CFAP299: variants seen among roughly 807,000 people sequenced by gnomAD.
CFAP299 encodes cilia- and flagella-associated protein 299.
A neutral mutation model predicts 27.0 loss-of-function variants in CFAP299; 21 were observed. The observed-to-expected ratio is 0.78, with a 90% confidence interval of 0.55 to 1.12. The LOEUF is 1.12. CFAP299 is among the 50% of genes most tolerant of loss of function. The probability of loss-of-function intolerance (pLI) is 0.00; values close to 1 mark genes in which losing one functional copy is unlikely to be tolerated. For missense variants in CFAP299, 310 were observed against 276.6 expected (o/e 1.12, Z -0.86); for synonymous variants, 104 against 98.1 (o/e 1.06, Z -0.36).
At chr4:80,924,538 G>GTGTGTGTGTGTA (rs5859742) in intron 4 of CFAP299, among the ~76,000 whole-genome samples, 1 of 131,670 alleles carries the variant, frequency 7.6e-6, no homozygotes, top group African/African-American at 3.1e-5. Context: ...GTGTGTGTGT[G>GTGTGTGTGTGTA]TATATATATA....
intron 3 of CFAP299, among the ~76,000 whole-genome samples, chr4:80,625,158 T>C (rs1738818276): frequency 6.6e-6 from 1 of 152,114 alleles, no homozygotes; most frequent in Non-Finnish European, 1.5e-5. Flanking sequence ...AAGACAAAAC[T>C]ATTAAAAATA....
In CFAP299 at chr4:80,824,684, A is replaced by T. The variant is rs11939761; in HGVS notation, c.334-45309A>T. ...TGTGTAGAATCAGAAAAGATGTGAGAGGACCTTAAGTTTACATGTCAGGCA... is the reference window on the plus strand; with the variant it reads ...TGTGTAGAATCAGAAAAGATGTGAGTGGACCTTAAGTTTACATGTCAGGCA... On this transcript the variant is annotated intron_variant, in intron 3 of 5. Coordinates refer to ENST00000358105, the MANE Select transcript of CFAP299 (RefSeq NM_152770.3). 6.0e-3 allele frequency among the ~76,000 whole-genome samples: 916 copies of T among 152,272 alleles called. 8 individuals are homozygous for T. The highest frequency in any genetic ancestry group is 0.021 in the African/African-American group (854 of 41,562).
intron 2 of CFAP299, among the ~76,000 whole-genome samples, chr4:80,489,273 G>A (rs1455075245): frequency 6.6e-6 from 1 of 152,102 alleles, no homozygotes; most frequent in Non-Finnish European, 1.5e-5. Flanking sequence ...TGAATTGGGA[G>A]CTGCCATTGA....
At chr4:80,341,915 T>C (rs1187646854) in intron 1 of CFAP299, among the ~76,000 whole-genome samples, 1 of 152,156 alleles carries the variant, frequency 6.6e-6, no homozygotes, top group Admixed American at 6.5e-5. Flanking sequence ...GAAAAGAAGC[T>C]AGAATCATGA....
intron 3 of CFAP299, among the ~76,000 whole-genome samples, chr4:80,607,077 A>G (rs1421761024): frequency 6.6e-6 from 1 of 152,212 alleles, no homozygotes. Flanking sequence ...GGTTCCTTAC[A>G]TGAGTGAAAG....
In CFAP299 at chr4:80,944,752, T is replaced by C. The variant is rs1215541304; in HGVS notation, c.477-58T>C. 14 of 1,308,094 alleles carry C rather than the reference T, an allele frequency of 1.1e-5. No individual in the cohort carries two copies. In the East Asian group the frequency reaches 2.7e-4, roughly 26 times the overall value. 81.0% of individuals were successfully genotyped at this position (1,308,094 alleles called of 1,614,324 possible). ...ACTTCCCCAAATAGTTCTTAAACTA[T>C]ATTTGTCAATTTAATGCATTATACA... On this transcript the variant is annotated intron_variant, in intron 4 of 5. Coordinates refer to ENST00000358105, the MANE Select transcript of CFAP299 (RefSeq NM_152770.3).
At chr4:80,366,139 C>T (rs1286926848) in intron 2 of CFAP299, among the ~76,000 whole-genome samples, 2 of 152,218 alleles carry the variant, frequency 1.3e-5, no homozygotes, top group African/African-American at 2.4e-5. Flanking sequence ...CCAAATATGT[C>T]CTGTGCCTAT....
chr4:80,861,228 A>G (rs1275797831), intron 3 of CFAP299, among the ~76,000 whole-genome samples: 1 of 152,122 alleles, frequency 6.6e-6, no homozygotes, highest in East Asian at 1.9e-4. Context: ...TGCAGGATAT[A>G]ATCTCCTGGT....
At chr4:80,513,770 TC>T (rs1186703359) in intron 2 of CFAP299, among the ~76,000 whole-genome samples, 2 of 152,094 alleles carry the variant, frequency 1.3e-5, no homozygotes, top group Non-Finnish European at 2.9e-5. Context: ...TTTCCAATCA[TC>T]CCAACTACCT....
chr4:80,684,989 T>C (rs994967236), intron 3 of CFAP299, among the ~76,000 whole-genome samples: 6 of 152,168 alleles, frequency 3.9e-5, no homozygotes, highest in African/African-American at 1.4e-4. Flanking sequence ...GGTACAATAA[T>C]GTATGTATTA....
chr4:80,556,636 G>A (rs1233998832), intron 2 of CFAP299, among the ~76,000 whole-genome samples: 1 of 151,932 alleles, frequency 6.6e-6, no homozygotes, highest in Non-Finnish European at 1.5e-5. Context: ...TATCCAAAAA[G>A]TTTAGTTTGA....
intron 2 of CFAP299, among the ~76,000 whole-genome samples, chr4:80,504,505 A>ATATATATTTTTT (rs1483255216): frequency 5.4e-5 from 6 of 110,184 alleles, no homozygotes; most frequent in Non-Finnish European, 1.1e-4. Flanking sequence ...ATATATATAT[A>ATATATATTTTTT]TTTTCCTTTG....
At chr4:80,933,169 T>TC (rs551572687) in intron 4 of CFAP299, among the ~76,000 whole-genome samples, 3 of 143,156 alleles carry the variant, frequency 2.1e-5, no homozygotes, top group African/African-American at 7.3e-5. Flanking sequence ...TCCTTTCCTT[T>TC]CTTTCTTTCT....
rs574593872 is a variant in CFAP299 at position 80,953,905 on chromosome 4, T to C, written c.606+8966T>C. Among the ~76,000 whole-genome samples, 553 of 152,288 alleles carry C rather than the reference T, an allele frequency of 3.6e-3. 1 individual carries two copies. Among genetic ancestry groups the C allele is most frequent in the Middle Eastern group, 0.014 (4 of 294 alleles). On this transcript the variant is annotated intron_variant, in intron 5 of 5. Coordinates refer to ENST00000358105, the MANE Select transcript of CFAP299 (RefSeq NM_152770.3). ...ATACATGACAAAGAAAAATTATTGTTTTAAGCTTTTATTTCCAAGAGCAAC... is the reference window on the plus strand; with the variant it reads ...ATACATGACAAAGAAAAATTATTGTCTTAAGCTTTTATTTCCAAGAGCAAC...
chr4:80,511,592 A>G (rs982847471), intron 2 of CFAP299, among the ~76,000 whole-genome samples: 35 of 152,264 alleles, frequency 2.3e-4, no homozygotes, highest in Middle Eastern at 3.4e-3. Context: ...AGTTACTAAC[A>G]ATGAAGGTAA....
At chr4:80,434,594 G>C (rs915856610) in intron 2 of CFAP299, among the ~76,000 whole-genome samples, 1 of 152,190 alleles carries the variant, frequency 6.6e-6, no homozygotes, top group Non-Finnish European at 1.5e-5. Context: ...TGCATCGCCT[G>C]TAAGAGCCCT....
intron 2 of CFAP299, among the ~76,000 whole-genome samples, chr4:80,468,980 G>C (rs981541134): frequency 9.9e-5 from 15 of 151,742 alleles, no homozygotes; most frequent in African/African-American, 3.6e-4. Flanking sequence ...CTTTTTCTTA[G>C]TAACTGGACC....
At chr4:80,859,578 C>T (rs569413926) in intron 3 of CFAP299, among the ~76,000 whole-genome samples, 2 of 152,056 alleles carry the variant, frequency 1.3e-5, no homozygotes, top group Non-Finnish European at 2.9e-5. Context: ...TTAGCACTTC[C>T]TTCAGGAACT....
At chr4:80,858,520 T>C (rs1732084661) in intron 3 of CFAP299, among the ~76,000 whole-genome samples, 1 of 152,212 alleles carries the variant, frequency 6.6e-6, no homozygotes, top group South Asian at 2.1e-4. Flanking sequence ...ATTTTGGATC[T>C]TTCCTGCTTT....
Sources: gnomAD v4.1 joint callset for allele counts (sites outside exome capture counted in the v4.1 genomes callset) on GRCh38, gnomAD v4.1.1 for gene constraint, MANE v1.5 for transcripts, NCBI Gene and HGNC (gene_info 2026-07-23, HGNC 2026-07-21) for gene names.